Variants in DNAJB14 observed in about 807,000 individuals in gnomAD.
DNAJB14 encodes dnaJ homolog subfamily B member 14.
Under a neutral mutation model 48.4 loss-of-function variants are expected in DNAJB14, and 22 were observed. The observed-to-expected ratio is 0.45, with a 90% CI of 0.32 to 0.65. DNAJB14 has a LOEUF of 0.65. DNAJB14 is among the 30% of genes least tolerant of loss of function. The pLI is 0.03. For synonymous variants in DNAJB14, 142 were observed against 158.7 expected (o/e 0.89, Z 0.79); for missense variants, 319 against 458.8 (o/e 0.70, Z 2.78).
intron 3 of DNAJB14, among the ~76,000 whole-genome samples, chr4:99,915,871 C>T (rs1191024694): frequency 6.6e-6 from 1 of 151,882 alleles, no homozygotes; most frequent in Non-Finnish European, 1.5e-5. Flanking sequence ...TTTCTTCCTC[C>T]AGTTCTATTA....
intron 3 of DNAJB14, among the ~76,000 whole-genome samples, chr4:99,913,827 A>G (rs941737560): frequency 2.6e-5 from 4 of 152,258 alleles, no homozygotes; most frequent in African/African-American, 4.8e-5. Context: ...TGGGAATTTC[A>G]TAATTACAAC....
intron 1 of DNAJB14, among the ~76,000 whole-genome samples, chr4:99,933,217 G>A (rs1726543282): frequency 6.7e-6 from 1 of 150,050 alleles, no homozygotes; most frequent in Non-Finnish European, 1.5e-5. Context: ...TCTCAATAAT[G>A]TCTCAATAAA....
rs759032911 is a variant in DNAJB14, at chr4:99,908,699, A to G, written c.637+12T>C. 5.1e-6 allele frequency: 8 copies of G among 1,561,126 alleles called. No homozygotes were observed. The Admixed American group carries it at 1.6e-4, about 30-fold the overall frequency. On this transcript the variant is annotated intron_variant, in intron 4 of 7. Coordinates refer to ENST00000442697, the MANE Select transcript of DNAJB14 (RefSeq NM_001031723.4). ...TTCATAAAATATAATATCTATAATT[A>G]CATTAAAATACCTGAAGGAAATCCA... is the stretch of plus-strand genomic sequence containing the variant.
At chr4:99,901,194 T>A in intron 7 of DNAJB14, 42 bp from the exon 8 acceptor site, 1 of 1,545,000 alleles carries the variant, frequency 6.5e-7, no homozygotes, top group Non-Finnish European at 8.7e-7. Context: ...AATAAAATTT[T>A]TGTCACCTAG....
intron 1 of DNAJB14, among the ~76,000 whole-genome samples, chr4:99,937,178 G>A (rs1228483239): frequency 6.6e-6 from 1 of 151,966 alleles, no homozygotes; most frequent in Non-Finnish European, 1.5e-5. Flanking sequence ...TTAGCCAGGT[G>A]TGGTGGCAGG....
intron 2 of DNAJB14, 181 bp downstream of exon 2, chr4:99,930,269 C>CTA (rs1302259122): frequency 2.2e-6 from 1 of 458,888 alleles, no homozygotes; most frequent in African/African-American, 2.0e-5. Context: ...ATAGAATATT[C>CTA]TATAGAGTTG....
chr4:99,916,594 TC>T (rs1382242076), intron 3 of DNAJB14, among the ~76,000 whole-genome samples: 1 of 152,232 alleles, frequency 6.6e-6, no homozygotes, highest in Non-Finnish European at 1.5e-5. Flanking sequence ...TTTCCTGACA[TC>T]CTGTGAGTTA....
chr4:99,918,790 T>G (rs1234248384), intron 3 of DNAJB14, among the ~76,000 whole-genome samples: 2 of 152,190 alleles, frequency 1.3e-5, no homozygotes, highest in East Asian at 3.9e-4. Flanking sequence ...TTGTTACCTG[T>G]GGGTGGTGAC....
intron 5 of DNAJB14, 64 bp downstream of exon 5, chr4:99,906,453 A>G: frequency 6.7e-6 from 10 of 1,483,438 alleles, no homozygotes; most frequent in South Asian, 5.7e-5. Flanking sequence ...CTCTTTTCAG[A>G]CAACTCTAAT....
At chr4:99,930,739 AG>A (rs548193944) in intron 1 of DNAJB14, 118 bp from the exon 2 acceptor site, 15 of 1,123,278 alleles carry the variant, frequency 1.3e-5, no homozygotes, top group Non-Finnish European at 1.6e-5. Context: ...GATTCACCAT[AG>A]GATCTTTTTA....
intron 3 of DNAJB14, 173 bp downstream of exon 3, chr4:99,922,867 T>G: frequency 1.5e-6 from 1 of 647,074 alleles, no homozygotes; most frequent in Non-Finnish European, 2.5e-6. Flanking sequence ...AAACTGCATT[T>G]GTTTGCCTTC....
intron 4 of DNAJB14, among the ~76,000 whole-genome samples, chr4:99,907,234 C>A (rs1725497735): frequency 6.6e-6 from 1 of 152,158 alleles, no homozygotes; most frequent in Non-Finnish European, 1.5e-5. Flanking sequence ...TCCTAGTATA[C>A]TTCCAGTCAA....
chr4:99,929,578 C>T (rs1726385634), intron 2 of DNAJB14: 1 of 151,652 alleles, frequency 6.6e-6, no homozygotes, highest in African/African-American at 2.4e-5. Flanking sequence ...ACTTCAATTA[C>T]AAATTATGGT....
intron 4 of DNAJB14, among the ~76,000 whole-genome samples, chr4:99,907,828 T>C (rs1159525691): frequency 6.6e-6 from 1 of 152,144 alleles, no homozygotes; most frequent in Non-Finnish European, 1.5e-5. Context: ...TAAACAAGAC[T>C]AAAGCTATAA....
chr4:99,910,287 G>GC (rs1725613695), intron 3 of DNAJB14: 1 of 151,924 alleles, frequency 6.6e-6, no homozygotes, highest in South Asian at 2.1e-4. Flanking sequence ...CAGAACTGTG[G>GC]CCATCATTTA....
At chr4:99,912,981 T>G (rs555637993) in intron 3 of DNAJB14, among the ~76,000 whole-genome samples, 7 of 152,360 alleles carry the variant, frequency 4.6e-5, no homozygotes, top group Non-Finnish European at 1.0e-4. Context: ...TTTTAGTGTC[T>G]AAATATTCAT....
chr4:99,906,266 G>T, intron 5 of DNAJB14: 1 of 1,160,380 alleles, frequency 8.6e-7, no homozygotes, highest in Non-Finnish European at 1.2e-6. Flanking sequence ...TTCACAACAT[G>T]CATAGTGCAG....
chr4:99,907,604 G>A (rs1725513500), intron 4 of DNAJB14, among the ~76,000 whole-genome samples: 1 of 152,128 alleles, frequency 6.6e-6, no homozygotes, highest in South Asian at 2.1e-4. Flanking sequence ...GTAGAGCCTA[G>A]GATTTTGAGG....
chr4:99,906,988 G>A (rs1347451792), intron 4 of DNAJB14, among the ~76,000 whole-genome samples: 3 of 152,070 alleles, frequency 2.0e-5, no homozygotes, highest in Non-Finnish European at 4.4e-5. Flanking sequence ...AACATCTCTA[G>A]AAATCAAAAG....
Sources: allele counts gnomAD v4.1 joint callset (sites outside exome capture counted in the v4.1 genomes callset), GRCh38; gene constraint gnomAD v4.1.1; transcripts MANE v1.5; gene names NCBI Gene and HGNC (gene_info 2026-07-23, HGNC 2026-07-21).